Variants in DNMT3A observed in about 807,000 individuals in gnomAD.
DNMT3A encodes DNA methyltransferase 3 alpha.
Under a neutral mutation model 117.6 loss-of-function variants are expected in DNMT3A, and 267 were observed. That is an observed-to-expected ratio of 2.27 (90% CI 2.05 to 2.51). The LOEUF (loss-of-function observed/expected upper bound fraction) is 2.51. Among genes scored for constraint, DNMT3A ranks in the 30% most tolerant of loss-of-function variants. The probability of loss-of-function intolerance (pLI) is 0.00; values close to 1 mark genes in which losing one functional copy is unlikely to be tolerated. For missense variants in DNMT3A, 1,029 were observed against 1,260.2 expected (o/e 0.82, Z 2.78); for synonymous variants, 432 against 474.8 (o/e 0.91, Z 1.17).
rs1020983156 is a variant in DNMT3A, at chr2:25,236,434, T to C, written c.2478+502A>G. On this transcript the variant is annotated intron_variant, in intron 21 of 22. Coordinates refer to ENST00000321117, the MANE Select transcript of DNMT3A (RefSeq NM_022552.5). This position sits in a 1 kb window ranked among gnomAD's most constrained non-coding sequence, Gnocchi z 4.5. ...CAAGTCTTCCAAAGAATTAGTTCTT[T>C]CAGAGATGGAGTAACTTGTAGGCTA... Among the ~76,000 whole-genome samples the C allele has an allele frequency of 1.3e-5, 2 of 152,150 alleles. No homozygotes were observed. The highest frequency in any genetic ancestry group is 6.5e-5 in the Admixed American group (1 of 15,272).
intron 1 of DNMT3A, among the ~76,000 whole-genome samples, chr2:25,325,814 T>C (rs539485230): frequency 5.3e-5 from 8 of 152,340 alleles, no homozygotes; most frequent in African/African-American, 1.4e-4. Flanking sequence ...CAGCGAATTC[T>C]CTCAGGCACC....
In DNMT3A at chr2:25,327,301, C is replaced by G. The variant is rs2034824300; in HGVS notation, c.-177-13140G>C. ...TCTTCTGAATGGACCCTGACTGATA[C>G]AGTCACCCGCGGCCCCAAAGGGCTT... On this transcript the variant is annotated intron_variant, in intron 1 of 22. Transcript: ENST00000321117. The surrounding 1 kb of genome is among the most constrained non-coding windows in gnomAD (Gnocchi z 4.1). Among the ~76,000 whole-genome samples, 1 of 152,154 alleles carries G rather than the reference C, an allele frequency of 6.6e-6. No individual in the cohort carries two copies. The highest frequency in any genetic ancestry group is 1.5e-5 in the Non-Finnish European group (1 of 68,030).
At chr2:25,276,905 C>G (rs1380056957) in intron 4 of DNMT3A, among the ~76,000 whole-genome samples, 2 of 152,268 alleles carry the variant, frequency 1.3e-5, no homozygotes, top group African/African-American at 4.8e-5. Context: ...CGCCGCGGGT[C>G]CTCAGCCCGG....
rs541724046 is a variant in DNMT3A, at chr2:25,236,096, C to G, written c.2479-271G>C. ...TTTTTTTTTTTTTGAGACGGAGTCT[C>G]GCTCTGTCACCCAGGCTGGACTGCA... On this transcript the variant is annotated intron_variant, in intron 21 of 22. Transcript: ENST00000321117. This position sits in a 1 kb window ranked among gnomAD's most constrained non-coding sequence, Gnocchi z 4.5. Among the ~76,000 whole-genome samples, 4 of 150,962 alleles carry G rather than the reference C, an allele frequency of 2.6e-5. No homozygotes were observed. In the South Asian group the frequency reaches 8.4e-4, roughly 32 times the overall value.
chr2:25,232,777 C>T lies in DNMT3A; in HGVS notation c.*1502G>A, dbSNP rs1298727142. ...TGTTTTCTTAAAGAAAATCTTAAAA[C>T]AAACATAATTATAACCAGAACCATA... On this transcript the variant is annotated 3_prime_UTR_variant, in exon 23 of 23. Coordinates refer to ENST00000321117, the MANE Select transcript of DNMT3A (RefSeq NM_022552.5). The surrounding 1 kb of genome is among the most constrained non-coding windows in gnomAD (Gnocchi z 4.1). 5.1e-6 allele frequency: 1 copy of T among 196,416 alleles called. No individual in the cohort carries two copies. Among genetic ancestry groups the T allele is most frequent in the Non-Finnish European group, 1.1e-5 (1 of 94,798 alleles). The allele number at this position is 196,416 out of a possible 1,614,324, so 12.2% of individuals were successfully genotyped here.
Position 25,282,249 on chromosome 2 carries a change from C to A in DNMT3A, c.448+192G>T. The A allele has an allele frequency of 7.7e-7, 1 of 1,303,198 alleles. No homozygotes were observed. Among genetic ancestry groups the A allele is most frequent in the South Asian group, 2.3e-5 (1 of 43,532 alleles). 80.7% of individuals were successfully genotyped at this position (1,303,198 alleles called of 1,614,324 possible). A position where few individuals can be genotyped will look rare whatever the true frequency, so the allele number is the denominator to read the frequency against. The stretch of plus-strand genomic sequence containing the variant: ...CAACTAATTTTTTAAATGTTTAAAA[C>A]ACTCTATGGGCCAAATAAAACATAT... On this transcript the variant is annotated intron_variant, in intron 4 of 22. Coordinates refer to ENST00000321117, the MANE Select transcript of DNMT3A (RefSeq NM_022552.5). This position sits in a 1 kb window ranked among gnomAD's most constrained non-coding sequence, Gnocchi z 5.2.
At chr2:25,263,901 T>C (rs12991495) in intron 6 of DNMT3A, among the ~76,000 whole-genome samples, 34,209 of 152,128 alleles carry the variant, frequency 0.22, 4,309 homozygotes, top group Non-Finnish European at 0.3. Context: ...GGGAGTTGCT[T>C]GCACAGTCCT....
chr2:25,297,256 C>T (rs564135613), intron 3 of DNMT3A, among the ~76,000 whole-genome samples: 1 of 152,316 alleles, frequency 6.6e-6, no homozygotes, highest in African/African-American at 2.4e-5. Flanking sequence ...CAACAGCTGA[C>T]TTCCCAATCA....
intron 2 of DNMT3A, among the ~76,000 whole-genome samples, chr2:25,309,458 C>A (rs1444502098): frequency 6.6e-6 from 1 of 152,188 alleles, no homozygotes; most frequent in East Asian, 1.9e-4. Flanking sequence ...GTGCCCCCAA[C>A]TTCTCCCCAA....
rs754336556 is a variant in DNMT3A, at chr2:25,240,307, G to C, written c.2317C>G (p.Leu773Val). The stretch of plus-strand genomic sequence containing the variant: ...ACCAAGGTTGCTGGCTATACCTCGA[G>C]AAATCGCGAGATGTCCCTCTTGTCA... Reference protein sequence around the residue: ...VSDKRDISRFLESNPVMIDAK... With the variant: ...VSDKRDISRFVESNPVMIDAK... The change falls in exon 19 of 23, where the codon CTC becomes GTC. Residue 773 changes from leucine (L) to valine (V), a missense_variant. By Grantham distance (32) the Leu-to-Val change is conservative. Coordinates refer to ENST00000321117, the MANE Select transcript of DNMT3A (RefSeq NM_022552.5). 1.9e-6 allele frequency: 3 copies of C among 1,614,048 alleles called. No homozygotes were observed. Among genetic ancestry groups the C allele is most frequent in the African/African-American group, 1.3e-5 (1 of 74,924 alleles).
At chr2:25,332,376 C>G (rs952498562) in intron 1 of DNMT3A, among the ~76,000 whole-genome samples, 1 of 152,242 alleles carries the variant, frequency 6.6e-6, no homozygotes, top group Non-Finnish European at 1.5e-5. Context: ...TTCTCTCCCC[C>G]TGAATCCGAC....
intron 4 of DNMT3A, among the ~76,000 whole-genome samples, chr2:25,278,033 ACAC>A (rs1558700860): frequency 4.3e-4 from 36 of 83,926 alleles, no homozygotes; most frequent in Middle Eastern, 5.1e-3. Context: ...ACACACACAC[ACAC>A]ACAGACACAC....
intron 3 of DNMT3A, among the ~76,000 whole-genome samples, chr2:25,283,016 A>G (rs1437231208): frequency 2.0e-5 from 3 of 151,900 alleles, no homozygotes; most frequent in Non-Finnish European, 2.9e-5. Flanking sequence ...TCCCACCGCC[A>G]CTCACTGAGG....
chr2:25,328,686 C>A, intron 1 of DNMT3A: 1 of 522,714 alleles, frequency 1.9e-6, no homozygotes, highest in South Asian at 1.5e-5. Context: ...ATCCCCAGCA[C>A]AGTGCTGCGG....
chr2:25,257,005 A>G lies in DNMT3A; in HGVS notation c.640-8753T>C, dbSNP rs1234269074. The stretch of plus-strand genomic sequence containing the variant: ...CACTGCCCAAGTTCCAAGTTGGGGA[A>G]TGGATCCATTTCATAGCAGGAATTC... On this transcript the variant is annotated intron_variant, in intron 6 of 22. Transcript: ENST00000321117. The surrounding 1 kb of genome is among the most constrained non-coding windows in gnomAD (Gnocchi z 4.8). Among the ~76,000 whole-genome samples the G allele has an allele frequency of 6.7e-6, 1 of 150,156 alleles. No homozygotes were observed. The highest frequency in any genetic ancestry group is 1.5e-5 in the Non-Finnish European group (1 of 67,332).
rs563012367 is a variant in DNMT3A, at chr2:25,279,811, G to A, written c.448+2630C>T. On this transcript the variant is annotated intron_variant, in intron 4 of 22. Transcript: ENST00000321117. ...AAGTGATTCTCCTGTCTCAGACTCC[G>A]GAGTAGCTGCGACTACAGGCATGCA... Among the ~76,000 whole-genome samples, 44 of 151,880 alleles carry A rather than the reference G, an allele frequency of 2.9e-4. No individual in the cohort carries two copies. In the South Asian group the frequency reaches 8.3e-3, roughly 29 times the overall value.
At chr2:25,325,528 C>T (rs73920673) in intron 1 of DNMT3A, among the ~76,000 whole-genome samples, 2 of 152,184 alleles carry the variant, frequency 1.3e-5, no homozygotes, top group African/African-American at 2.4e-5. Flanking sequence ...TAGTCCCCTG[C>T]GCGTGGCCCT....
rs981633355 is a variant in DNMT3A, at chr2:25,337,716, C to T, written c.-178+4110G>A. On this transcript the variant is annotated intron_variant, in intron 1 of 22. Coordinates refer to ENST00000321117, the MANE Select transcript of DNMT3A (RefSeq NM_022552.5). This position sits in a 1 kb window ranked among gnomAD's most constrained non-coding sequence, Gnocchi z 5.0. ...ACACTTAGCCAAGTGGAGGCAGGCTCGGATACAGACATAAATCTCAGGCTG... is the reference window on the plus strand; with the variant it reads ...ACACTTAGCCAAGTGGAGGCAGGCTTGGATACAGACATAAATCTCAGGCTG... 9.2e-5 allele frequency among the ~76,000 whole-genome samples: 14 copies of T among 152,128 alleles called. No homozygotes were observed. Among genetic ancestry groups the T allele is most frequent in the South Asian group, 2.1e-4 (1 of 4,826 alleles).
In DNMT3A at chr2:25,228,931, A is replaced by G. The variant is rs978222086; in HGVS notation, c.*5348T>C. ...CCCTCCTCACCCCCCAGTGGAGCTG[A>G]GCCAGGGAGCTTTCCAGTTACGGGA... is the stretch of plus-strand genomic sequence containing the variant. On this transcript the variant is annotated 3_prime_UTR_variant, in exon 23 of 23. Coordinates refer to ENST00000321117, the MANE Select transcript of DNMT3A (RefSeq NM_022552.5). 6.6e-6 allele frequency: 1 copy of G among 152,200 alleles called. No individual in the cohort carries two copies. Among genetic ancestry groups the G allele is most frequent in the Non-Finnish European group, 1.5e-5 (1 of 68,048 alleles). The allele number at this position is 152,200 out of a possible 1,614,324, so 9.4% of individuals were successfully genotyped here.
Sources: allele counts gnomAD v4.1 joint callset (sites outside exome capture counted in the v4.1 genomes callset), GRCh38; gene constraint gnomAD v4.1.1; non-coding constraint Gnocchi (gnomAD v3.1); transcripts MANE v1.5; gene names NCBI Gene and HGNC (gene_info 2026-07-23, HGNC 2026-07-21).